The following SNTB1 variants were observed in gnomAD, a reference collection of about 807,000 sequenced individuals.
The protein encoded by SNTB1 is syntrophin beta 1.
SNTB1 carries 36 observed loss-of-function variants against 48.9 expected under a neutral mutation model. The observed-to-expected ratio is 0.74, with a 90% CI of 0.56 to 0.97. The LOEUF is 0.97. SNTB1 is among the 50% of genes least tolerant of loss of function. The pLI, the probability that SNTB1 is intolerant of heterozygous loss-of-function variation, is 0.00. For missense variants in SNTB1, 786 were observed against 703.4 expected (o/e 1.12, Z -1.33); for synonymous variants, 299 against 294.6 (o/e 1.01, Z -0.15).
intron 1 of SNTB1, among the ~76,000 whole-genome samples, chr8:120,787,810 G>T (rs1482188945): frequency 6.6e-6 from 1 of 152,136 alleles, no homozygotes; most frequent in East Asian, 1.9e-4. Flanking sequence ...CTATTTGAGG[G>T]AATGATGAAG....
intron 3 of SNTB1, 78 bp downstream of exon 3, chr8:120,632,366 T>G: frequency 1.1e-3 from 1,362 of 1,257,816 alleles, no homozygotes; most frequent in Non-Finnish European, 1.4e-3. Flanking sequence ...GCCTATGGGA[T>G]GAGATAGTTT....
chr8:120,719,876 T>C (rs549381309), intron 1 of SNTB1, among the ~76,000 whole-genome samples: 3 of 152,306 alleles, frequency 2.0e-5, no homozygotes, highest in Admixed American at 1.3e-4. Context: ...AACCTTTCTG[T>C]CTCTCATGAA....
chr8:120,594,387 G>A (rs750935596), intron 3 of SNTB1, among the ~76,000 whole-genome samples: 3 of 152,094 alleles, frequency 2.0e-5, no homozygotes, highest in African/African-American at 4.8e-5. Context: ...ACAGGCATGC[G>A]CCACCAAGCC....
At chr8:120,644,770 G>T (rs1587058053) in intron 2 of SNTB1, among the ~76,000 whole-genome samples, 1 of 148,774 alleles carries the variant, frequency 6.7e-6, no homozygotes, top group Non-Finnish European at 1.5e-5. Context: ...CTAGTTTACA[G>T]TTCCACCAAC....
intron 1 of SNTB1, among the ~76,000 whole-genome samples, chr8:120,797,896 C>CTTT (rs1477755339): frequency 1.1e-4 from 16 of 152,080 alleles, no homozygotes; most frequent in African/African-American, 3.9e-4. Flanking sequence ...GGTTTGTACA[C>CTTT]CTTTATTCCA....
chr8:120,628,903 AG>A (rs1203608884), intron 3 of SNTB1, among the ~76,000 whole-genome samples: 2 of 152,198 alleles, frequency 1.3e-5, no homozygotes, highest in Non-Finnish European at 2.9e-5. Context: ...ACACACTTGT[AG>A]TCCCAGTTAC....
At chr8:120,735,534 G>A (rs1472091227) in intron 1 of SNTB1, among the ~76,000 whole-genome samples, 1 of 152,074 alleles carries the variant, frequency 6.6e-6, no homozygotes, top group Non-Finnish European at 1.5e-5. Context: ...TGCGTGGTTG[G>A]TGTCCTTATT....
At chr8:120,809,602 C>T (rs947319630) in intron 1 of SNTB1, among the ~76,000 whole-genome samples, 1 of 152,094 alleles carries the variant, frequency 6.6e-6, no homozygotes, top group Non-Finnish European at 1.5e-5. Flanking sequence ...AATGACCCGC[C>T]TTCCGCCCCA....
intron 1 of SNTB1, among the ~76,000 whole-genome samples, chr8:120,760,230 T>C (rs896671638): frequency 1.3e-5 from 2 of 151,690 alleles, no homozygotes; most frequent in South Asian, 4.1e-4. Flanking sequence ...TGGTAGACTT[T>C]GGTTTCTGGT....
At position 120,591,902 on chromosome 8, in the gene SNTB1, G is replaced by A. The variant is rs574468271; in HGVS notation, c.997-16677C>T. Among the ~76,000 whole-genome samples the A allele has an allele frequency of 3.3e-5, 5 of 152,214 alleles. No individual in the cohort carries two copies. In the South Asian group the frequency reaches 6.2e-4, roughly 19 times the overall value. On this transcript the variant is annotated intron_variant, in intron 3 of 6. Coordinates refer to ENST00000517992, the MANE Select transcript of SNTB1 (RefSeq NM_021021.4). Reference sequence around the variant, plus strand: ...ATTAAATTGCAAAAGGGACAGCTCAGTTAAAGATGATGATGATGATGATAT... The same window carrying A: ...ATTAAATTGCAAAAGGGACAGCTCAATTAAAGATGATGATGATGATGATAT...
intron 2 of SNTB1, among the ~76,000 whole-genome samples, chr8:120,657,349 C>G (rs1325161524): frequency 6.6e-6 from 1 of 152,168 alleles, no homozygotes; most frequent in Non-Finnish European, 1.5e-5. Flanking sequence ...GGGGCAATCA[C>G]TAACCTAGGA....
intron 4 of SNTB1, among the ~76,000 whole-genome samples, chr8:120,556,606 C>A (rs1815570961): frequency 6.6e-6 from 1 of 152,126 alleles, no homozygotes; most frequent in Non-Finnish European, 1.5e-5. Flanking sequence ...GAACAGACAG[C>A]TGATTGCTGT....
intron 2 of SNTB1, among the ~76,000 whole-genome samples, chr8:120,660,440 T>C (rs1178359543): frequency 6.6e-6 from 1 of 152,238 alleles, no homozygotes; most frequent in Non-Finnish European, 1.5e-5. Context: ...CTTCACACTT[T>C]TCTTCTGCAG....
At chr8:120,778,939 T>G (rs572435635) in intron 1 of SNTB1, among the ~76,000 whole-genome samples, 1 of 152,234 alleles carries the variant, frequency 6.6e-6, no homozygotes, top group Non-Finnish European at 1.5e-5. Flanking sequence ...GCAGGCTCAA[T>G]GCCTAGTGAG....
chr8:120,735,248 C>T (rs530010827), intron 1 of SNTB1, among the ~76,000 whole-genome samples: 8 of 152,048 alleles, frequency 5.3e-5, no homozygotes, highest in Non-Finnish European at 8.8e-5. Context: ...TGGAGGATGA[C>T]ACAAGGGACT....
At chr8:120,573,503 G>A (rs950744100) in intron 4 of SNTB1, among the ~76,000 whole-genome samples, 2 of 151,932 alleles carry the variant, frequency 1.3e-5, no homozygotes, top group African/African-American at 4.8e-5. Flanking sequence ...TTTGTTGATT[G>A]TTTCCTTTGC....
In SNTB1 at chr8:120,755,691, T is replaced by C. The variant is rs538639685; in HGVS notation, c.571+55582A>G. Among the ~76,000 whole-genome samples, 22 of 152,254 alleles carry C rather than the reference T, an allele frequency of 1.4e-4. No individual in the cohort carries two copies. The East Asian group carries it at 3.9e-3, about 27-fold the overall frequency. The stretch of plus-strand genomic sequence containing the variant: ...GTGGTGGTAGTGATACCAGGAACTA[T>C]GCCAAATGCATTTTCTCACCTATTA... On this transcript the variant is annotated intron_variant, in intron 1 of 6. Transcript: ENST00000517992.
chr8:120,575,040 G>C lies in SNTB1; in HGVS notation c.1136+46C>G, dbSNP rs1041585658. 7.4e-6 allele frequency: 12 copies of C among 1,612,868 alleles called. No individual in the cohort carries two copies. In the East Asian group the frequency reaches 2.7e-4, roughly 36 times the overall value. ...TGAGCTAATTGTAATTCATTAAATA[G>C]AATCCACCTGCAAACACATCATACC... On this transcript the variant is annotated intron_variant, in intron 4 of 6. Transcript: ENST00000517992.
At chr8:120,777,453 C>A (rs1427849288) in intron 1 of SNTB1, among the ~76,000 whole-genome samples, 13 of 152,160 alleles carry the variant, frequency 8.5e-5, no homozygotes, top group Admixed American at 7.9e-4. Context: ...AAAAAATCAG[C>A]CGCTAGATTT....
Sources: allele counts gnomAD v4.1 joint callset (sites outside exome capture counted in the v4.1 genomes callset), GRCh38; gene constraint gnomAD v4.1.1; transcripts MANE v1.5; gene names NCBI Gene and HGNC (gene_info 2026-07-23, HGNC 2026-07-21).